PMS1: variants seen among roughly 807,000 people sequenced by gnomAD.
PMS1 encodes PMS1 protein homolog 1.
PMS1 carries 79 observed loss-of-function variants against 93.1 expected under a neutral mutation model. That is an observed-to-expected ratio of 0.85 (90% CI 0.71 to 1.02). PMS1 has a LOEUF of 1.02. PMS1 is among the 50% of genes least tolerant of loss of function. PMS1 has a pLI of 0.00. For missense variants in PMS1, 1,064 were observed against 1,085.3 expected (o/e 0.98, Z 0.28); for synonymous variants, 335 against 363.4 (o/e 0.92, Z 0.89).
intron 3 of PMS1, among the ~76,000 whole-genome samples, chr2:189,797,073 G>A (rs760915490): frequency 6.6e-6 from 1 of 152,046 alleles, no homozygotes; most frequent in Admixed American, 6.6e-5. Flanking sequence ...GTTTATATAC[G>A]CACTTTTTCC....
intron 9 of PMS1, chr2:189,857,559 TTTTCTTCCTTCTTCTTTTTTTCTTCC>T (rs1438540408): frequency 4.8e-6 from 2 of 412,972 alleles, no homozygotes; most frequent in African/African-American, 4.2e-5. Flanking sequence ...CAGTCCATCC[TTTTCTTCCTTCTTCTTTTTTTCTTCC>T]TTTTTTCCTT....
rs139359735 is a variant in PMS1 at position 189,876,594 on chromosome 2, T to C, written c.2635-678T>C. 4.1e-4 allele frequency among the ~76,000 whole-genome samples: 62 copies of C among 152,198 alleles called. 1 individual carries two copies. In the East Asian group the frequency reaches 0.012, roughly 29 times the overall value. On this transcript the variant is annotated intron_variant, in intron 12 of 12. Transcript: ENST00000441310. ...CTTTTCTTTGCCCATGATCTTTCCA[T>C]TAAGGTTTCTTATTTATTAATTTTT...
At chr2:189,806,589 G>C (rs1200805870) in intron 4 of PMS1, 1 of 197,398 alleles carries the variant, frequency 5.1e-6, no homozygotes. Flanking sequence ...GTAGAGACAG[G>C]GTTTTGCTGT....
At chr2:189,802,498 A>G (rs972320425) in intron 3 of PMS1, among the ~76,000 whole-genome samples, 3 of 152,168 alleles carry the variant, frequency 2.0e-5, no homozygotes, top group African/African-American at 7.2e-5. Flanking sequence ...GGTGGCAGAA[A>G]ATCTGTGTGT....
chr2:189,850,905 A>G (rs944380138), intron 6 of PMS1, among the ~76,000 whole-genome samples: 1 of 152,166 alleles, frequency 6.6e-6, no homozygotes. Context: ...TGAAGGGAAG[A>G]GAGGGGCGGA....
chr2:189,861,570 C>T (rs1303663387), intron 9 of PMS1, among the ~76,000 whole-genome samples: 1 of 151,612 alleles, frequency 6.6e-6, no homozygotes, highest in East Asian at 1.9e-4. Flanking sequence ...GCCAACATGG[C>T]GAAACCCCAT....
intron 11 of PMS1, among the ~76,000 whole-genome samples, chr2:189,869,974 T>G (rs2057002567): frequency 1.3e-5 from 2 of 152,120 alleles, no homozygotes; most frequent in South Asian, 2.1e-4. Context: ...GTAAGTAGTA[T>G]TTTTTTAAAT....
intron 2 of PMS1, among the ~76,000 whole-genome samples, chr2:189,794,159 C>T (rs2049134947): frequency 6.6e-6 from 1 of 152,158 alleles, no homozygotes; most frequent in Non-Finnish European, 1.5e-5. Context: ...GTTGCCCATT[C>T]TGAAGTGCAG....
chr2:189,792,088 C>A, intron 2 of PMS1, 147 bp downstream of exon 2: 1 of 664,108 alleles, frequency 1.5e-6, no homozygotes, highest in African/African-American at 1.8e-5. Flanking sequence ...AAGAGTAAAT[C>A]CTTAAAAATA....
chr2:189,848,796 G>T (rs1433970452), intron 6 of PMS1, among the ~76,000 whole-genome samples: 1 of 152,116 alleles, frequency 6.6e-6, no homozygotes, highest in African/African-American at 2.4e-5. Flanking sequence ...TATTTATGTT[G>T]CCACCAGCTA....
chr2:189,830,734 C>T (rs1186692462), intron 5 of PMS1, among the ~76,000 whole-genome samples: 1 of 152,190 alleles, frequency 6.6e-6, no homozygotes, highest in East Asian at 1.9e-4. Context: ...AGAACAGGAG[C>T]ACTCCATTAT....
intron 12 of PMS1, among the ~76,000 whole-genome samples, chr2:189,875,772 G>A (rs1234331079): frequency 6.6e-6 from 1 of 151,784 alleles, no homozygotes; most frequent in Non-Finnish European, 1.5e-5. Flanking sequence ...GGCCAACATG[G>A]TGAAGTCCCG....
At chr2:189,847,106 C>T (rs560059765) in intron 6 of PMS1, among the ~76,000 whole-genome samples, 1 of 151,940 alleles carries the variant, frequency 6.6e-6, no homozygotes, top group African/African-American at 2.4e-5. Flanking sequence ...ATGATCCACC[C>T]GCCTCGGCCC....
At position 189,873,661 on chromosome 2, in the gene PMS1, G is replaced by T. The variant is rs367955474; in HGVS notation, c.2634+5G>T. Reference sequence around the variant, plus strand: ...AAAGTGATAAGTTATTTAGAGGTACGCATTATTTTATATATATGTTATTGT... The same window carrying T: ...AAAGTGATAAGTTATTTAGAGGTACTCATTATTTTATATATATGTTATTGT... On this transcript the variant is annotated splice_donor_5th_base_variant and intron_variant, in intron 12 of 12. Transcript: ENST00000441310. The T allele has an allele frequency of 3.8e-6, 6 of 1,594,660 alleles. No homozygotes were observed. Among genetic ancestry groups the T allele is most frequent in the Non-Finnish European group, 5.2e-6 (6 of 1,163,248 alleles).
At chr2:189,855,868 C>A (rs1391695661) in intron 9 of PMS1, 2 of 1,112,956 alleles carry the variant, frequency 1.8e-6, no homozygotes, top group Non-Finnish European at 2.3e-6. Flanking sequence ...TTCTGGTGAT[C>A]TAATCCAGCA....
chr2:189,809,348 TAG>T (rs2050617220), intron 4 of PMS1, among the ~76,000 whole-genome samples: 1 of 151,804 alleles, frequency 6.6e-6, no homozygotes, highest in South Asian at 2.1e-4. Flanking sequence ...GTGCTAAAGT[TAG>T]AGAGCTGAAT....
rs1203003041 is a variant in PMS1 at position 189,820,073 on chromosome 2, C to G, written c.582+1893C>G. On this transcript the variant is annotated intron_variant, in intron 5 of 12. Transcript: ENST00000441310. ...CTGATGGGAAATAGGGAATTAACATCTATTGAGGGCCTACACAATGCCAGG... is the reference window on the plus strand; with the variant it reads ...CTGATGGGAAATAGGGAATTAACATGTATTGAGGGCCTACACAATGCCAGG... Among the ~76,000 whole-genome samples the G allele has an allele frequency of 2.0e-5, 3 of 152,218 alleles. 1 individual carries two copies. The highest frequency in any genetic ancestry group is 4.4e-5 in the Non-Finnish European group (3 of 68,042).
At chr2:189,822,270 G>T (rs2051986764) in intron 5 of PMS1, among the ~76,000 whole-genome samples, 1 of 152,192 alleles carries the variant, frequency 6.6e-6, no homozygotes. Context: ...CGACTGCGGG[G>T]CCTCTACCGA....
intron 6 of PMS1, among the ~76,000 whole-genome samples, chr2:189,845,896 G>T (rs775441114): frequency 1.5e-4 from 23 of 151,900 alleles, no homozygotes; most frequent in Non-Finnish European, 2.6e-4. Flanking sequence ...GCTAATTTTT[G>T]TATTTTTAAT....
Sources: allele counts gnomAD v4.1 joint callset (sites outside exome capture counted in the v4.1 genomes callset), GRCh38; gene constraint gnomAD v4.1.1; transcripts MANE v1.5; gene names NCBI Gene and HGNC (gene_info 2026-07-23, HGNC 2026-07-21).